Variants in PABPC4L observed in about 807,000 individuals in gnomAD.
The protein encoded by PABPC4L is poly(A) binding protein cytoplasmic 4 like, also known as polyadenylate-binding protein 4-like.
For synonymous variants in PABPC4L, 169 were observed against 164.1 expected (o/e 1.03, Z -0.23); for missense variants, 452 against 451.4 (o/e 1.00, Z -0.01).
chr4:134,030,280 T>C, the PABPC4L span, among the ~76,000 whole-genome samples: 6 of 152,154 alleles, frequency 3.9e-5, no homozygotes, highest in African/African-American at 7.2e-5. Flanking sequence ...CAGAAAAAGA[T>C]AGAAAAATGT....
the PABPC4L span, among the ~76,000 whole-genome samples, chr4:134,111,188 G>C: frequency 1.3e-5 from 2 of 151,956 alleles, no homozygotes; most frequent in African/African-American, 4.8e-5. Context: ...AAGGCAGAAG[G>C]GGGAAAGGCA....
the PABPC4L span, among the ~76,000 whole-genome samples, chr4:134,114,926 T>C: frequency 6.6e-6 from 1 of 151,856 alleles, no homozygotes; most frequent in East Asian, 1.9e-4. Flanking sequence ...ATTTCAAACA[T>C]TTTAGATAGA....
chr4:134,029,223 A>G, the PABPC4L span, among the ~76,000 whole-genome samples: 1 of 152,096 alleles, frequency 6.6e-6, no homozygotes, highest in South Asian at 2.1e-4. Context: ...TTCCAGCAGG[A>G]TCCGGGAGGA....
the PABPC4L span, among the ~76,000 whole-genome samples, chr4:133,967,168 T>A: frequency 6.6e-6 from 1 of 152,002 alleles, no homozygotes; most frequent in African/African-American, 2.4e-5. Flanking sequence ...TTTAAATGTA[T>A]TAAATTTAAA....
chr4:134,071,217 G>A, the PABPC4L span, among the ~76,000 whole-genome samples: 1 of 152,140 alleles, frequency 6.6e-6, no homozygotes, highest in Non-Finnish European at 1.5e-5. Context: ...CCTGTGTGCA[G>A]TAGTGCCATG....
At chr4:134,173,098 T>C in the PABPC4L span, among the ~76,000 whole-genome samples, 1 of 136,292 alleles carries the variant, frequency 7.3e-6, no homozygotes, top group Admixed American at 8.3e-5. Context: ...GAAACTCTTG[T>C]ACACTGGTGA....
chr4:134,016,114 G>T, the PABPC4L span, among the ~76,000 whole-genome samples: 1 of 152,008 alleles, frequency 6.6e-6, no homozygotes, highest in African/African-American at 2.4e-5. Context: ...ATTGATGGCA[G>T]TTCCACCAGG....
the PABPC4L span, among the ~76,000 whole-genome samples, chr4:134,185,531 A>G: frequency 1.2e-4 from 19 of 152,234 alleles, 1 homozygote; most frequent in South Asian, 3.9e-3. Flanking sequence ...TTGATAGGAC[A>G]TATCTCAAAA....
the PABPC4L span, among the ~76,000 whole-genome samples, chr4:133,977,738 C>G: frequency 1.3e-5 from 2 of 152,086 alleles, no homozygotes; most frequent in Non-Finnish European, 2.9e-5. Context: ...TTGAAAGGCT[C>G]ATGAATGCCA....
the PABPC4L span, among the ~76,000 whole-genome samples, chr4:134,066,332 A>G: frequency 6.6e-6 from 1 of 152,024 alleles, no homozygotes; most frequent in African/African-American, 2.4e-5. Flanking sequence ...CATTCAATTC[A>G]GCTCTCAGTT....
chr4:134,077,971 C>CTA, the PABPC4L span, among the ~76,000 whole-genome samples: 1 of 151,746 alleles, frequency 6.6e-6, no homozygotes, highest in Non-Finnish European at 1.5e-5. Context: ...AAAAACAAAA[C>CTA]AAAACAAAGC....
chr4:134,055,913 TTTTGTA>T, the PABPC4L span, among the ~76,000 whole-genome samples: 1 of 151,986 alleles, frequency 6.6e-6, no homozygotes, highest in African/African-American at 2.4e-5. Context: ...TTATGAAGAC[TTTTGTA>T]TGTTGTTTTA....
At chr4:134,101,257 T>C in the PABPC4L span, among the ~76,000 whole-genome samples, 1 of 151,728 alleles carries the variant, frequency 6.6e-6, no homozygotes, top group African/African-American at 2.4e-5. Context: ...CATGCCTCTA[T>C]TGACTGGTTA....
At chr4:134,134,090 T>G in the PABPC4L span, among the ~76,000 whole-genome samples, 107 of 152,204 alleles carry the variant, frequency 7.0e-4, 1 homozygote, top group Middle Eastern at 0.014. Flanking sequence ...ATTGGAAACT[T>G]AAATATAGAA....
At chr4:133,975,992 G>A in the PABPC4L span, among the ~76,000 whole-genome samples, 1 of 152,044 alleles carries the variant, frequency 6.6e-6, no homozygotes, top group South Asian at 2.1e-4. Context: ...CGGGGTACAT[G>A]TCAGGATGTG....
the PABPC4L span, among the ~76,000 whole-genome samples, chr4:134,038,788 A>G: frequency 4.6e-5 from 7 of 151,962 alleles, no homozygotes; most frequent in Admixed American, 2.0e-4. Context: ...GGATTCATTG[A>G]TTTTTGTGAA....
chr4:133,993,233 C>T, the PABPC4L span, among the ~76,000 whole-genome samples: 3 of 152,058 alleles, frequency 2.0e-5, no homozygotes, highest in Non-Finnish European at 4.4e-5. Context: ...CATATTCCCC[C>T]TTTTTTGTTT....
chr4:134,162,586 ATTC>A, the PABPC4L span, among the ~76,000 whole-genome samples: 1 of 152,116 alleles, frequency 6.6e-6, no homozygotes, highest in South Asian at 2.1e-4. Context: ...GCACATGGAA[ATTC>A]TTCAAGATAG....
the PABPC4L span, among the ~76,000 whole-genome samples, chr4:134,049,921 G>C: frequency 6.6e-6 from 1 of 152,096 alleles, no homozygotes; most frequent in African/African-American, 2.4e-5. Context: ...TGACTGCAGA[G>C]AAGTCACCCT....
Sources: allele counts gnomAD v4.1 joint callset (sites outside exome capture counted in the v4.1 genomes callset), GRCh38; gene constraint gnomAD v4.1.1; transcripts MANE v1.5; gene names NCBI Gene and HGNC (gene_info 2026-07-23, HGNC 2026-07-21).